PLA2R1: variants seen among roughly 807,000 people sequenced by gnomAD.
PLA2R1 encodes the protein secretory phospholipase A2 receptor.
Under a neutral mutation model 195.9 loss-of-function variants are expected in PLA2R1, and 158 were observed. That is an observed-to-expected ratio of 0.81 (90% confidence interval 0.71 to 0.92). The LOEUF is 0.92. Ranked by LOEUF, PLA2R1 falls within the 40% of genes least tolerant of loss-of-function variation. The probability of loss-of-function intolerance (pLI) is 0.00; values close to 1 mark genes in which losing one functional copy is unlikely to be tolerated. For synonymous variants in PLA2R1, 586 were observed against 598.2 expected, an observed-to-expected ratio of 0.98 and a Z score of 0.30; for missense variants, 1,626 against 1,764.6, an observed-to-expected ratio of 0.92 and a Z score of 1.41.
chr2:160,032,469 CTGT>C (rs1283683546), intron 4 of PLA2R1, among the ~76,000 whole-genome samples: 1 of 152,186 alleles, frequency 6.6e-6, no homozygotes, highest in Admixed American at 6.5e-5. Context: ...ATTGTCTATA[CTGT>C]TAGTTAACAT....
rs56240008 is a variant in PLA2R1, at chr2:159,935,945, A to ATTTTTTTTTTTTTTTTTTTTTTTT, written c.*5809_*5832dup. The ATTTTTTTTTTTTTTTTTTTTTTTT allele has an allele frequency of 1.7e-4, 18 of 107,228 alleles. 1 individual carries two copies. The highest frequency in any genetic ancestry group is 9.1e-4 in the East Asian group (3 of 3,292). 6.6% of individuals were successfully genotyped at this position (107,228 alleles called of 1,614,324 possible). ...GCAGTAAAAATATGTATATAAATTA[A>ATTTTTTTTTTTTTTTTTTTTTTTT]TTTTTTTTTTTTTTTTTTTTTTTTG... On this transcript the variant is annotated 3_prime_UTR_variant, in exon 30 of 30. Transcript: ENST00000283243.
At chr2:159,972,435 T>A (rs1689253895) in intron 17 of PLA2R1, among the ~76,000 whole-genome samples, 1 of 152,224 alleles carries the variant, frequency 6.6e-6, no homozygotes, top group African/African-American at 2.4e-5. Context: ...GTTTTGGTAT[T>A]TACAAACAGC....
rs775053838 is a variant in PLA2R1 at position 159,977,349 on chromosome 2, G to C, written c.2336C>G (p.Ala779Gly). 3 of 1,612,648 alleles carry C rather than the reference G, an allele frequency of 1.9e-6. No individual in the cohort carries two copies. The East Asian group carries it at 6.7e-5, about 36-fold the overall frequency. The change falls in exon 15 of 30, where the codon GCA becomes GGA. Residue 779 changes from alanine to glycine, a missense_variant. Transcript: ENST00000283243. ...EDARNCAVYK[A>G]NKTLLPLHCG... is the part of the protein sequence containing the mutation. ...GTGTAAGGGCAGCAATGTTTTGTTT[G>C]CCTTATAAACAGCACAGTTTCTTGC... is the stretch of plus-strand genomic sequence containing the variant.
chr2:159,972,163 C>T (rs775092301), intron 17 of PLA2R1, among the ~76,000 whole-genome samples: 6 of 152,072 alleles, frequency 3.9e-5, no homozygotes, highest in Non-Finnish European at 7.4e-5. Context: ...TATTTATTAC[C>T]ACCTCAATTA....
In PLA2R1 at chr2:160,049,295, C is replaced by T. The variant is rs529100567; in HGVS notation, c.110-4138G>A. 1.6e-4 allele frequency among the ~76,000 whole-genome samples: 24 copies of T among 152,130 alleles called. No homozygotes were observed. The East Asian group carries it at 2.5e-3, about 16-fold the overall frequency. ...AGATAACGTGTACTCTTCTAAGGAG[C>T]GGGAGGAGAATGTTTCATTGATCAA... On this transcript the variant is annotated intron_variant, in intron 1 of 29. Coordinates refer to ENST00000283243, the MANE Select transcript of PLA2R1 (RefSeq NM_007366.5).
Position 160,062,484 on chromosome 2 carries a change from C to G in PLA2R1, c.-81G>C, listed in dbSNP as rs959834553. ...AGCCCAGAGCCGCGTCCCAAGCACC[C>G]GGCCCCGCCGCGCGGAAGCGGATCC... is the stretch of plus-strand genomic sequence containing the variant. On this transcript the variant is annotated 5_prime_UTR_variant, in exon 1 of 30. Coordinates refer to ENST00000283243, the MANE Select transcript of PLA2R1 (RefSeq NM_007366.5). 2.1e-6 allele frequency: 3 copies of G among 1,437,656 alleles called. No homozygotes were observed. The highest frequency in any genetic ancestry group is 3.0e-5 in the African/African-American group (2 of 65,918). 89.1% of individuals were successfully genotyped at this position (1,437,656 alleles called of 1,614,324 possible).
chr2:160,039,091 C>G (rs13383655), intron 3 of PLA2R1, among the ~76,000 whole-genome samples: 79,182 of 151,768 alleles, frequency 0.52, 22,617 homozygotes, highest in Non-Finnish European at 0.65. Context: ...ATCTCAAACT[C>G]CTGACCTCAA....
chr2:160,007,778 C>T (rs1692100082), intron 10 of PLA2R1, among the ~76,000 whole-genome samples: 1 of 152,116 alleles, frequency 6.6e-6, no homozygotes, highest in African/African-American at 2.4e-5. Context: ...GTGTTCATGC[C>T]TTGGAAGACT....
intron 4 of PLA2R1, among the ~76,000 whole-genome samples, chr2:160,029,922 C>T (rs562503056): frequency 5.3e-5 from 8 of 152,162 alleles, no homozygotes; most frequent in African/African-American, 1.9e-4. Flanking sequence ...TTTAGTCAGA[C>T]GCAGGGGTCC....
intron 11 of PLA2R1, among the ~76,000 whole-genome samples, chr2:160,000,656 G>C (rs1004712036): frequency 2.6e-5 from 4 of 151,930 alleles, no homozygotes; most frequent in African/African-American, 9.7e-5. Context: ...ATACATTTAA[G>C]GAAATGAAAG....
chr2:160,025,865 C>G (rs1379929506), intron 6 of PLA2R1, among the ~76,000 whole-genome samples: 1 of 152,122 alleles, frequency 6.6e-6, no homozygotes, highest in Non-Finnish European at 1.5e-5. Context: ...TTATAGGAGT[C>G]AACGAGAGAA....
intron 3 of PLA2R1, 65 bp downstream of exon 3, chr2:160,041,960 C>T (rs949835457): frequency 1.6e-6 from 2 of 1,278,040 alleles, no homozygotes; most frequent in East Asian, 4.7e-5. Context: ...TGTTTAGATA[C>T]AGATAACTTT....
At chr2:160,029,060 A>T in intron 4 of PLA2R1, 97 bp from the exon 5 acceptor site, 2 of 707,620 alleles carry the variant, frequency 2.8e-6, no homozygotes, top group Non-Finnish European at 5.1e-6. Context: ...AACTAATTCC[A>T]GTCAATGACG....
chr2:159,945,180 A>G, intron 27 of PLA2R1, 98 bp from the exon 28 acceptor site: 1 of 581,936 alleles, frequency 1.7e-6, no homozygotes, highest in Non-Finnish European at 2.6e-6. Flanking sequence ...GAATTTTTTT[A>G]TTTTTTTATT....
intron 3 of PLA2R1, among the ~76,000 whole-genome samples, 154 bp from the exon 4 acceptor site, chr2:160,033,286 C>T (rs970886899): frequency 6.6e-6 from 1 of 152,172 alleles, no homozygotes; most frequent in South Asian, 2.1e-4. Flanking sequence ...ATAAAATCTG[C>T]ATTGTTATTC....
chr2:160,003,877 T>C (rs11687309), intron 11 of PLA2R1, among the ~76,000 whole-genome samples: 34,525 of 152,174 alleles, frequency 0.23, 4,383 homozygotes, highest in Admixed American at 0.39. Context: ...CTACATACTA[T>C]GAAATTCTAT....
intron 14 of PLA2R1, 45 bp from the exon 15 acceptor site, chr2:159,977,461 C>A: frequency 6.3e-7 from 1 of 1,593,392 alleles, no homozygotes; most frequent in Non-Finnish European, 8.6e-7. Flanking sequence ...GATCCCCCCA[C>A]AAAGTTTCAA....
At chr2:160,055,067 T>C (rs772024453) in intron 1 of PLA2R1, among the ~76,000 whole-genome samples, 14 of 152,186 alleles carry the variant, frequency 9.2e-5, no homozygotes, top group Non-Finnish European at 1.8e-4. Context: ...GCCCCATCTT[T>C]CCTGTGATGG....
intron 8 of PLA2R1, among the ~76,000 whole-genome samples, chr2:160,017,892 C>T (rs1055382487): frequency 6.6e-6 from 1 of 152,138 alleles, no homozygotes; most frequent in African/African-American, 2.4e-5. Flanking sequence ...ATCGCTCCCC[C>T]ATGGAGTCTT....
Sources: allele counts gnomAD v4.1 joint callset (sites outside exome capture counted in the v4.1 genomes callset), GRCh38; gene constraint gnomAD v4.1.1; transcripts MANE v1.5; gene names NCBI Gene and HGNC (gene_info 2026-07-23, HGNC 2026-07-21).